The following NEB variants were observed in gnomAD, a reference collection of about 807,000 sequenced individuals.
The protein encoded by NEB is nebulin.
Under a neutral mutation model 952.2 loss-of-function variants are expected in NEB, and 512 were observed. The ratio of observed to expected loss-of-function variants is 0.54; its 90% confidence interval spans 0.50 to 0.58. The LOEUF (loss-of-function observed/expected upper bound fraction) is 0.58, where lower values mean the gene tolerates loss of function less well. Ranked by LOEUF, NEB falls within the 20% of genes least tolerant of loss-of-function variation. NEB has a pLI of 0.00. For synonymous variants in NEB, 2,900 were observed against 3,149.8 expected (o/e 0.92, Z 2.66); for missense variants, 8,428 against 9,231.1 (o/e 0.91, Z 3.56).
chr2:151,653,466 G>A (rs1458067686), intron 52 of NEB, among the ~76,000 whole-genome samples: 1 of 152,140 alleles, frequency 6.6e-6, no homozygotes, highest in African/African-American at 2.4e-5. Context: ...AGTTAAGTAA[G>A]CCCTTGGGAA....
intron 168 of NEB, among the ~76,000 whole-genome samples, chr2:151,501,033 C>CGGG (rs1301378960): frequency 4.6e-5 from 7 of 152,086 alleles, no homozygotes; most frequent in Admixed American, 4.6e-4. Flanking sequence ...GGCTTCAAGT[C>CGGG]CAGTATCTTT....
intron 9 of NEB, among the ~76,000 whole-genome samples, chr2:151,720,733 G>A (rs1048018713): frequency 3.3e-5 from 5 of 152,240 alleles, no homozygotes; most frequent in Admixed American, 1.3e-4. Flanking sequence ...TTTCAACTTC[G>A]CTGTTTGTTC....
At chr2:151,550,239 C>A (rs1430030729) in intron 129 of NEB, among the ~76,000 whole-genome samples, 2 of 134,112 alleles carry the variant, frequency 1.5e-5, no homozygotes, top group Non-Finnish European at 3.1e-5. Context: ...TGCACTCCAG[C>A]CTGGGAGACA....
Position 151,527,546 on chromosome 2 carries a change from A to G in NEB, c.21775T>C (p.Trp7259Arg). 1.2e-6 allele frequency: 2 copies of G among 1,613,398 alleles called. No homozygotes were observed. Among genetic ancestry groups the G allele is most frequent in the Non-Finnish European group, 1.7e-6 (2 of 1,179,610 alleles). Reference sequence around the variant, plus strand: ...TCCGGTCGGTCAGGAGTCCACTTCCAGTGGGCTTTGTTGGCTTCGTACTGT... The same window carrying G: ...TCCGGTCGGTCAGGAGTCCACTTCCGGTGGGCTTTGTTGGCTTCGTACTGT... ...KKQYEANKAH[W>R]KWTPDRPDFL... is the part of the protein sequence containing the mutation. The change falls in exon 147 of 182, where the codon TGG (tryptophan) becomes CGG (arginine). Residue 7259 changes from tryptophan (W) to arginine (R), a missense_variant. By Grantham distance (101) the Trp-to-Arg change is moderately radical (BLOSUM62 -3). This residue lies in a region of NEB where 3,374 missense variants were observed against 3,651.5 expected (regional missense o/e 0.92). Coordinates refer to ENST00000397345, the MANE Select transcript of NEB (RefSeq NM_001164508.2).
At chr2:151,491,647 G>T in intron 179 of NEB, 36 bp downstream of exon 179, 1 of 1,450,262 alleles carries the variant, frequency 6.9e-7, no homozygotes, top group South Asian at 1.2e-5. Context: ...ACTAAATGGT[G>T]ATGTTTATGT....
At chr2:151,639,466 TA>T (rs201272155) in intron 62 of NEB, 82 bp from the exon 63 acceptor site, 111 of 1,021,480 alleles carry the variant, frequency 1.1e-4, no homozygotes, top group African/African-American at 3.1e-4. Context: ...AAAAACTTTA[TA>T]AAAAAAAAGA....
intron 105 of NEB, among the ~76,000 whole-genome samples, chr2:151,578,698 AGAAGGAGGGAAGGAAGGAAGGAAGGAGG>A (rs2096980156): frequency 7.1e-6 from 1 of 140,234 alleles, no homozygotes; most frequent in African/African-American, 2.7e-5. Flanking sequence ...AAGGAAGGAG[AGAAGGAGGGAAGGAAGGAAGGAAGGAGG>A]GAAGGAAGGA....
intron 153 of NEB, among the ~76,000 whole-genome samples, chr2:151,520,909 G>A (rs1037826126): frequency 2.6e-5 from 4 of 152,130 alleles, no homozygotes; most frequent in Admixed American, 1.3e-4. Flanking sequence ...TCAACAGAAT[G>A]GAAAGTGACA....
In NEB at chr2:151,545,908, G is replaced by C; in HGVS notation, c.20557C>G (p.Leu6853Val). The C allele has an allele frequency of 6.2e-7, 1 of 1,602,814 alleles. No homozygotes were observed. The highest frequency in any genetic ancestry group is 8.5e-7 in the Non-Finnish European group (1 of 1,173,674). The change falls in exon 135 of 182, where the codon CTG becomes GTG. Residue 6853 changes from leucine (L) to valine (V), a missense_variant. This residue lies in a region of NEB where 3,374 missense variants were observed against 3,651.5 expected (regional missense o/e 0.92). Coordinates refer to ENST00000397345, the MANE Select transcript of NEB (RefSeq NM_001164508.2). The part of the protein sequence containing the change: ...DTPEYRKVQE[L>V]KTHLSELVYR... Reference sequence around the variant, plus strand: ...CTTACCTCACTCAGATGTGTCTTCAGTTCTTGCACTTTTCTGTATTCTGGA... The same window carrying C: ...CTTACCTCACTCAGATGTGTCTTCACTTCTTGCACTTTTCTGTATTCTGGA...
In NEB at chr2:151,618,255, A is replaced by G. The variant is rs759574691; in HGVS notation, c.11076+20T>C. 11 of 1,607,374 alleles carry G rather than the reference A, an allele frequency of 6.8e-6. 1 individual carries two copies. The South Asian group carries it at 1.2e-4, about 18-fold the overall frequency. On this transcript the variant is annotated intron_variant, in intron 74 of 181. Coordinates refer to ENST00000397345, the MANE Select transcript of NEB (RefSeq NM_001164508.2). The stretch of plus-strand genomic sequence containing the variant: ...TCTGTGGTAACTTTCGGTATCTAAC[A>G]GTGAGGATTGAAGACTCACCTTATT...
In NEB at chr2:151,627,507, G is replaced by A. The variant is rs1462818919; in HGVS notation, c.10143+16C>T. 6.2e-7 allele frequency: 1 copy of A among 1,611,396 alleles called. No homozygotes were observed. Among genetic ancestry groups the A allele is most frequent in the African/African-American group, 1.3e-5 (1 of 74,878 alleles). On this transcript the variant is annotated intron_variant, in intron 69 of 181. Coordinates refer to ENST00000397345, the MANE Select transcript of NEB (RefSeq NM_001164508.2). Reference sequence around the variant, plus strand: ...TACTATTATGAGCACAGTTACCATGGATCTTAATTACTCACATCGCTCTGG... The same window carrying A: ...TACTATTATGAGCACAGTTACCATGAATCTTAATTACTCACATCGCTCTGG...
chr2:151,691,942 T>C lies in NEB; in HGVS notation c.2133A>G (p.Glu711=). ...SDKSYKAEYE[E]DKGKCYFPQT... is the part of the protein sequence containing the mutation. ...GAGGGAAATAGCATTTTCCTTTATCTTCTTCATATTCTGCTTTGTAACTTT... is the reference window on the plus strand; with the variant it reads ...GAGGGAAATAGCATTTTCCTTTATCCTCTTCATATTCTGCTTTGTAACTTT... The change falls in exon 23 of 182, where the codon GAA becomes GAG. Residue 711 remains glutamate (E), a synonymous_variant. Coordinates refer to ENST00000397345, the MANE Select transcript of NEB (RefSeq NM_001164508.2). 6.2e-7 allele frequency: 1 copy of C among 1,610,752 alleles called. No homozygotes were observed. Among genetic ancestry groups the C allele is most frequent in the Non-Finnish European group, 8.5e-7 (1 of 1,177,952 alleles).
At chr2:151,537,273 C>T (rs2093344304) in intron 140 of NEB, 37 bp from the exon 141 acceptor site, 2 of 1,243,802 alleles carry the variant, frequency 1.6e-6, no homozygotes, top group Admixed American at 3.5e-5. Flanking sequence ...TCTAAGAAGC[C>T]ATCTCCAAAC....
At chr2:151,612,085 T>C in intron 78 of NEB, 101 bp downstream of exon 78, 1 of 1,301,064 alleles carries the variant, frequency 7.7e-7, no homozygotes, top group Non-Finnish European at 1.1e-6. Context: ...ATCAGGCCTA[T>C]GACACCTCCT....
chr2:151,712,724 G>C (rs545692773), intron 10 of NEB, among the ~76,000 whole-genome samples: 3 of 152,218 alleles, frequency 2.0e-5, no homozygotes, highest in East Asian at 3.9e-4. Flanking sequence ...GAAGGAGTGA[G>C]AGGAAGAGAG....
chr2:151,549,405 C>T (rs2095102694), intron 130 of NEB, among the ~76,000 whole-genome samples: 1 of 152,206 alleles, frequency 6.6e-6, no homozygotes, highest in African/African-American at 2.4e-5. Context: ...GCCAAGGCTC[C>T]CACGAACATT....
chr2:151,651,684 A>G (rs1275647072), intron 52 of NEB, among the ~76,000 whole-genome samples: 1 of 152,238 alleles, frequency 6.6e-6, no homozygotes. Flanking sequence ...GTACTAGATG[A>G]CAATAACAAC....
chr2:151,666,580 CT>C (rs1559025717), intron 40 of NEB, among the ~76,000 whole-genome samples, 179 bp from the exon 41 acceptor site: 2 of 151,912 alleles, frequency 1.3e-5, no homozygotes, highest in African/African-American at 4.8e-5. Context: ...ATCTTGAGAC[CT>C]GCCCTGGAGA....
chr2:151,691,809 T>C (rs2099553556), intron 23 of NEB, 55 bp downstream of exon 23: 3 of 1,214,268 alleles, frequency 2.5e-6, no homozygotes, highest in Non-Finnish European at 3.6e-6. Flanking sequence ...AATTTACCAC[T>C]AGATGTCACA....
Sources: allele counts gnomAD v4.1 joint callset (sites outside exome capture counted in the v4.1 genomes callset), GRCh38; gene constraint gnomAD v4.1.1; regional missense constraint gnomAD v4.1.1; transcripts MANE v1.5; gene names NCBI Gene and HGNC (gene_info 2026-07-23, HGNC 2026-07-21).